The following DOCK9 variants were observed in gnomAD, a reference collection of about 807,000 sequenced individuals.
DOCK9 encodes dedicator of cytokinesis protein 9.
DOCK9 carries 89 observed loss-of-function variants against 263.3 expected under a neutral mutation model. The ratio of observed to expected loss-of-function variants is 0.34; its 90% CI spans 0.28 to 0.40. The LOEUF (loss-of-function observed/expected upper bound fraction) is 0.40. Among genes scored for constraint, DOCK9 ranks in the 10% least tolerant of loss-of-function variants. DOCK9 has a pLI of 1.00. For missense variants in DOCK9, 2,140 were observed against 2,603.4 expected, an observed-to-expected ratio of 0.82 and a Z score of 3.87; for synonymous variants, 976 against 973.1, an observed-to-expected ratio of 1.00 and a Z score of -0.06.
chr13:98,974,239 TC>T (rs1231062642), intron 1 of DOCK9, among the ~76,000 whole-genome samples: 1 of 152,050 alleles, frequency 6.6e-6, no homozygotes, highest in African/African-American at 2.4e-5. Context: ...ATCAAGAATA[TC>T]CTGCCTGTTC....
chr13:98,925,953 A>G lies in DOCK9; in HGVS notation c.334-34T>C. ...GGGGGATTTTAAAAATAGAAAATAA[A>G]AAACAGAAAGACGTGATTTTTGGAA... On this transcript the variant is annotated intron_variant, in intron 3 of 52. Transcript: ENST00000682017. 3 of 1,499,338 alleles carry G rather than the reference A, an allele frequency of 2.0e-6. No homozygotes were observed. In the South Asian group the frequency reaches 3.8e-5, roughly 19 times the overall value. The allele number at this position is 1,499,338 out of a possible 1,614,324, so 92.9% of individuals were successfully genotyped here. A position where few individuals can be genotyped will look rare whatever the true frequency, so the allele number is the denominator to read the frequency against.
chr13:98,811,635 C>A (rs1033204912), intron 45 of DOCK9, among the ~76,000 whole-genome samples: 2 of 152,206 alleles, frequency 1.3e-5, no homozygotes, highest in Non-Finnish European at 2.9e-5. Flanking sequence ...TGATCTTGAA[C>A]TCCTGCCCTC....
upstream of DOCK9, among the ~76,000 whole-genome samples, chr13:98,979,837 CA>C: frequency 6.6e-6 from 1 of 152,214 alleles, no homozygotes; most frequent in East Asian, 1.9e-4. Flanking sequence ...TCCTACAAAT[CA>C]AAGAAAGGAT....
intron 1 of DOCK9, among the ~76,000 whole-genome samples, chr13:99,067,617 T>C (rs1266890466): frequency 2.0e-5 from 3 of 152,158 alleles, no homozygotes; most frequent in Non-Finnish European, 4.4e-5. Flanking sequence ...CTCTGCAGCT[T>C]AAATCAACTC....
chr13:98,976,096 G>A (rs2060253141), intron 1 of DOCK9, among the ~76,000 whole-genome samples: 1 of 152,240 alleles, frequency 6.6e-6, no homozygotes, highest in Admixed American at 6.5e-5. Context: ...CCTGCTGGAA[G>A]AAGAGAAACA....
intron 3 of DOCK9, among the ~76,000 whole-genome samples, chr13:98,926,997 T>C (rs2053081995): frequency 6.6e-6 from 1 of 152,220 alleles, no homozygotes; most frequent in Non-Finnish European, 1.5e-5. Context: ...TCCAAACTCA[T>C]GAAAGTAAGA....
At chr13:98,857,318 T>C (rs2093730848) in intron 33 of DOCK9, 1 of 152,232 alleles carries the variant, frequency 6.6e-6, no homozygotes, top group African/African-American at 2.4e-5. Flanking sequence ...GGGATACTTC[T>C]AAGTTAAAAA....
At chr13:98,840,548 C>A (rs143071584) in intron 38 of DOCK9, among the ~76,000 whole-genome samples, 5 of 152,314 alleles carry the variant, frequency 3.3e-5, no homozygotes, top group Admixed American at 6.5e-5. Flanking sequence ...TTTGTCTACA[C>A]TGAATTAACC....
Position 98,921,549 on chromosome 13 carries a change from G to T in DOCK9, c.583-461C>A, listed in dbSNP as rs190389865. Reference sequence around the variant, plus strand: ...TGACTCCCTTGTTTCTCTTCCCTTTGTTATTAATCCTGATGTTCCTCTGGT... The same window carrying T: ...TGACTCCCTTGTTTCTCTTCCCTTTTTTATTAATCCTGATGTTCCTCTGGT... On this transcript the variant is annotated intron_variant, in intron 6 of 52. Transcript: ENST00000682017. Among the ~76,000 whole-genome samples, 245 of 152,162 alleles carry T rather than the reference G, an allele frequency of 1.6e-3. 2 individuals carry two copies. Among genetic ancestry groups the T allele is most frequent in the South Asian group, 0.01 (50 of 4,800 alleles).
rs1302399573 is a variant in DOCK9 at position 99,022,210 on chromosome 13, G to A, written c.129+64013C>T. 5.3e-5 allele frequency among the ~76,000 whole-genome samples: 8 copies of A among 152,162 alleles called. No homozygotes were observed. In the East Asian group the frequency reaches 1.5e-3, roughly 29 times the overall value. The stretch of plus-strand genomic sequence containing the variant: ...TTGAAGTGAACAAAGGTGACGGGCA[G>A]GTCCAGAGGGCACAGTGTGGACAGG... On this transcript the variant is annotated intron_variant, in intron 1 of 32. Coordinates refer to the DOCK9 transcript ENST00000427887.
intron 2 of DOCK9, among the ~76,000 whole-genome samples, chr13:98,930,652 CTT>C (rs373096591): frequency 1.3e-5 from 2 of 149,812 alleles, no homozygotes; most frequent in Admixed American, 1.3e-4. Context: ...CCATTTGAAA[CTT>C]TTTTTTTTGA....
rs1181778398 is a variant in DOCK9, at chr13:98,825,325, T to C, written c.5024-821A>G. Among the ~76,000 whole-genome samples the C allele has an allele frequency of 6.6e-6, 1 of 152,226 alleles. No homozygotes were observed. The highest frequency in any genetic ancestry group is 2.4e-5 in the African/African-American group (1 of 41,466). ...TTCCACTACTCTATTTTGAGATAAC[T>C]GTTCACAATAAAATAAAACAGAAGT... On this transcript the variant is annotated intron_variant, in intron 44 of 52. Coordinates refer to ENST00000682017, the MANE Select transcript of DOCK9 (RefSeq NM_001366683.2). This position sits in a 1 kb window ranked among gnomAD's most constrained non-coding sequence, Gnocchi z 4.1.
At chr13:98,884,941 G>T in intron 21 of DOCK9, 30 bp downstream of exon 21, 2 of 1,599,458 alleles carry the variant, frequency 1.3e-6, no homozygotes, top group Non-Finnish European at 1.7e-6. Context: ...TGAAGAAATT[G>T]GGATGACCCA....
intron 33 of DOCK9, chr13:98,859,753 G>GTGTGTATA (rs780605483): frequency 7.5e-6 from 1 of 132,488 alleles, no homozygotes; most frequent in African/African-American, 2.7e-5. Context: ...GTGTGTGTGT[G>GTGTGTATA]TATATATATA....
chr13:99,088,423 C>T (rs923540069), upstream of DOCK9: 2 of 152,090 alleles, frequency 1.3e-5, no homozygotes, highest in Non-Finnish European at 2.9e-5. Flanking sequence ...GGAGTGTGGC[C>T]GTTCAGTTCT....
At chr13:99,056,696 G>A (rs1272201230) in intron 1 of DOCK9, among the ~76,000 whole-genome samples, 1 of 152,110 alleles carries the variant, frequency 6.6e-6, no homozygotes, top group Non-Finnish European at 1.5e-5. Flanking sequence ...TGGCTGCCCG[G>A]CACCTCCCTT....
At chr13:99,011,798 G>A (rs60808568) in intron 1 of DOCK9, among the ~76,000 whole-genome samples, 13,290 of 152,236 alleles carry the variant, frequency 0.087, 701 homozygotes, top group African/African-American at 0.15. Context: ...CCCAAAGGCT[G>A]TCTCCAGTAT....
At chr13:98,880,110 A>C (rs369231091) in intron 26 of DOCK9, 141 bp from the exon 27 acceptor site, 1 of 633,326 alleles carries the variant, frequency 1.6e-6, no homozygotes, top group African/African-American at 1.8e-5. Flanking sequence ...CATTATGATC[A>C]GAGCCAACGG....
chr13:98,873,313 T>C (rs959372924), intron 27 of DOCK9, among the ~76,000 whole-genome samples: 55 of 152,250 alleles, frequency 3.6e-4, no homozygotes, highest in African/African-American at 1.3e-3. Flanking sequence ...TCTATTTCTT[T>C]AGTTCTGTCT....
Sources: gnomAD v4.1 joint callset for allele counts (sites outside exome capture counted in the v4.1 genomes callset) on GRCh38, gnomAD v4.1.1 for gene constraint, Gnocchi (gnomAD v3.1) non-coding constraint, MANE v1.5 for transcripts, NCBI Gene and HGNC (gene_info 2026-07-23, HGNC 2026-07-21) for gene names.